The following PEAK1 variants were observed in gnomAD, a reference collection of about 807,000 sequenced individuals.
PEAK1 encodes pseudopodium enriched atypical kinase 1.
Under a neutral mutation model 124.7 loss-of-function variants are expected in PEAK1, and 54 were observed. The observed-to-expected ratio is 0.43, with a 90% CI of 0.35 to 0.54. The LOEUF is 0.54. Among genes scored for constraint, PEAK1 ranks in the 20% least tolerant of loss-of-function variants. PEAK1 has a pLI of 0.01. For synonymous variants in PEAK1, 719 were observed against 760.0 expected, an observed-to-expected ratio of 0.95 and a Z score of 0.89; for missense variants, 2,046 against 2,134.5, an observed-to-expected ratio of 0.96 and a Z score of 0.82.
intron 5 of PEAK1, among the ~76,000 whole-genome samples, chr15:77,258,804 A>T (rs931547578): frequency 4.6e-5 from 7 of 152,168 alleles, no homozygotes; most frequent in African/African-American, 1.7e-4. Flanking sequence ...GTCTTGTGCC[A>T]GTTTTCAAAG....
intron 2 of PEAK1, among the ~76,000 whole-genome samples, chr15:77,291,428 C>T (rs921386302): frequency 5.9e-5 from 9 of 152,060 alleles, no homozygotes; most frequent in African/African-American, 1.4e-4. Flanking sequence ...AAGAGAAAAG[C>T]GACTGATAAT....
chr15:77,401,352 T>A (rs1013047801), intron 1 of PEAK1, among the ~76,000 whole-genome samples: 1 of 152,204 alleles, frequency 6.6e-6, no homozygotes, highest in Non-Finnish European at 1.5e-5. Context: ...CTGATAGATG[T>A]CTAATTTGCT....
At chr15:77,292,101 T>G (rs1385574712) in intron 2 of PEAK1, among the ~76,000 whole-genome samples, 2 of 152,080 alleles carry the variant, frequency 1.3e-5, no homozygotes, top group African/African-American at 2.4e-5. Flanking sequence ...TTTCTACACA[T>G]GCACACACAC....
chr15:77,130,391 C>T (rs1000104968), intron 9 of PEAK1, among the ~76,000 whole-genome samples: 1 of 152,124 alleles, frequency 6.6e-6, no homozygotes, highest in African/African-American at 2.4e-5. Context: ...AATCCAGATC[C>T]CCCTCTTTAC....
chr15:77,124,549 C>A (rs2052209800), intron 9 of PEAK1, among the ~76,000 whole-genome samples: 1 of 152,230 alleles, frequency 6.6e-6, no homozygotes, highest in African/African-American at 2.4e-5. Context: ...CAGACATGGT[C>A]TACTGCCTTC....
At chr15:77,203,910 T>C (rs2058497911) in intron 6 of PEAK1, among the ~76,000 whole-genome samples, 2 of 152,146 alleles carry the variant, frequency 1.3e-5, no homozygotes, top group East Asian at 1.9e-4. Context: ...AAAGCACTGG[T>C]AAGCTGAACC....
chr15:77,337,424 A>G (rs982701047), intron 2 of PEAK1: 1 of 958,848 alleles, frequency 1.0e-6, no homozygotes, highest in Admixed American at 6.2e-5. Flanking sequence ...TGATCAAACT[A>G]AGAATTTGAT....
intron 9 of PEAK1, among the ~76,000 whole-genome samples, chr15:77,128,503 C>A (rs1270700841): frequency 6.6e-6 from 1 of 152,158 alleles, no homozygotes; most frequent in African/African-American, 2.4e-5. Context: ...ATGACCAGTG[C>A]CTCAGTATTG....
chr15:77,354,544 T>C (rs140056519), intron 2 of PEAK1, among the ~76,000 whole-genome samples: 25 of 152,302 alleles, frequency 1.6e-4, no homozygotes, highest in Non-Finnish European at 3.1e-4. Context: ...TCAAAACCCT[T>C]TGATACAGCT....
intron 6 of PEAK1, among the ~76,000 whole-genome samples, chr15:77,215,651 T>C (rs2059117217): frequency 6.6e-6 from 1 of 152,220 alleles, no homozygotes; most frequent in African/African-American, 2.4e-5. Context: ...GGTTGGTTGG[T>C]TGAATCTACA....
intron 5 of PEAK1, among the ~76,000 whole-genome samples, chr15:77,272,075 T>C (rs543007377): frequency 5.9e-5 from 9 of 152,154 alleles, no homozygotes; most frequent in African/African-American, 2.2e-4. Context: ...TGAACGATAA[T>C]AGTGACACAA....
chr15:77,359,275 A>C (rs1388018903), intron 2 of PEAK1, among the ~76,000 whole-genome samples: 1 of 151,940 alleles, frequency 6.6e-6, no homozygotes, highest in African/African-American at 2.4e-5. Flanking sequence ...CCATCTCTTC[A>C]AAAAATATAT....
At chr15:77,134,251 G>A (rs2053128947) in intron 8 of PEAK1, among the ~76,000 whole-genome samples, 1 of 152,150 alleles carries the variant, frequency 6.6e-6, no homozygotes, top group Non-Finnish European at 1.5e-5. Flanking sequence ...TTATTCCAAA[G>A]TTACATTGTA....
chr15:77,268,634 C>G (rs2061864812), intron 5 of PEAK1, among the ~76,000 whole-genome samples: 1 of 152,036 alleles, frequency 6.6e-6, no homozygotes, highest in Non-Finnish European at 1.5e-5. Context: ...TGCTAGGGAT[C>G]TAGACATCCA....
At chr15:77,397,656 A>AC in intron 1 of PEAK1, among the ~76,000 whole-genome samples, 1 of 152,314 alleles carries the variant, frequency 6.6e-6, no homozygotes, top group Admixed American at 6.5e-5. Flanking sequence ...ACTATGAGTA[A>AC]CCACATGTCA....
intron 6 of PEAK1, among the ~76,000 whole-genome samples, chr15:77,187,764 G>C (rs2057621557): frequency 6.6e-6 from 1 of 152,238 alleles, no homozygotes; most frequent in Non-Finnish European, 1.5e-5. Flanking sequence ...GGGCTTTTAA[G>C]GACACTCTCA....
At position 77,114,809 on chromosome 15, in the gene PEAK1, C is replaced by A. The variant is rs757516983; in HGVS notation, c.4588G>T (p.Gly1530Trp). 1 of 1,613,296 alleles carries A rather than the reference C, an allele frequency of 6.2e-7. No homozygotes were observed. Among genetic ancestry groups the A allele is most frequent in the Non-Finnish European group, 8.5e-7 (1 of 1,179,944 alleles). ...ENLLLVHYQP[G>W]GTAQGFGPAE... is the part of the protein sequence containing the mutation. The stretch of plus-strand genomic sequence containing the variant: ...GGCCCAAAGCCTTGGGCAGTCCCCC[C>A]AGGCTGGTAGTGGACAAGTAGCAGG... Residue 1530 changes from glycine to tryptophan, a missense_variant, in exon 10 of 10, where the codon GGG becomes TGG. Physicochemically the swap from Gly to Trp is radical, Grantham distance 184. Coordinates refer to ENST00000682557, the MANE Select transcript of PEAK1 (RefSeq NM_001385026.1).
At chr15:77,231,495 T>C (rs749623387) in intron 6 of PEAK1, among the ~76,000 whole-genome samples, 13 of 152,156 alleles carry the variant, frequency 8.5e-5, no homozygotes, top group Non-Finnish European at 1.3e-4. Context: ...TGAGAACAAG[T>C]TGCACTTGCA....
intron 7 of PEAK1, among the ~76,000 whole-genome samples, chr15:77,168,927 T>C (rs2056315651): frequency 6.6e-6 from 1 of 152,194 alleles, no homozygotes; most frequent in South Asian, 2.1e-4. Flanking sequence ...GGGTCTTTGC[T>C]AATTAGCAGC....
Sources: allele counts gnomAD v4.1 joint callset (sites outside exome capture counted in the v4.1 genomes callset), GRCh38; gene constraint gnomAD v4.1.1; transcripts MANE v1.5; gene names NCBI Gene and HGNC (gene_info 2026-07-23, HGNC 2026-07-21).